CDH6: variants seen among roughly 807,000 people sequenced by gnomAD.
CDH6 encodes cadherin 6.
In CDH6, 31 loss-of-function variants were observed where a neutral mutation model predicts 78.0. The observed-to-expected ratio is 0.40, with a 90% CI of 0.30 to 0.54. The LOEUF (loss-of-function observed/expected upper bound fraction) is 0.54, where lower values mean the gene tolerates loss of function less well. Ranked by LOEUF, CDH6 falls within the 20% of genes least tolerant of loss-of-function variation. CDH6 has a pLI of 0.56. For synonymous variants in CDH6, 376 were observed against 368.8 expected, an observed-to-expected ratio of 1.02 and a Z score of -0.23; for missense variants, 724 against 975.9, an observed-to-expected ratio of 0.74 and a Z score of 3.44.
At chr5:31,245,723 C>T (rs965793137) in intron 1 of CDH6, among the ~76,000 whole-genome samples, 5 of 152,114 alleles carry the variant, frequency 3.3e-5, no homozygotes, top group African/African-American at 7.2e-5. Flanking sequence ...CAGTTATCTA[C>T]GTAGCCAGCT....
At chr5:31,236,814 C>A (rs908943223) in intron 1 of CDH6, among the ~76,000 whole-genome samples, 1 of 152,110 alleles carries the variant, frequency 6.6e-6, no homozygotes, top group Non-Finnish European at 1.5e-5. Context: ...TGCCCAACAT[C>A]TGAACGGAGA....
chr5:31,325,218 TTCCGATTTTATAATGGAC>T lies in CDH6; in HGVS notation c.*1912_*1929del, dbSNP rs1738596046. 1 of 229,540 alleles carries T rather than the reference TTCCGATTTTATAATGGAC, an allele frequency of 4.4e-6. No individual in the cohort carries two copies. Among genetic ancestry groups the T allele is most frequent in the African/African-American group, 2.2e-5 (1 of 45,172 alleles). 14.2% of individuals were successfully genotyped at this position (229,540 alleles called of 1,614,324 possible). A position where few individuals can be genotyped will look rare whatever the true frequency, so the allele number is the denominator to read the frequency against. On this transcript the variant is annotated 3_prime_UTR_variant, in exon 12 of 12. Coordinates refer to ENST00000265071, the MANE Select transcript of CDH6 (RefSeq NM_004932.4). ...TTATTCCTTGTGTCTTCTGAATGGT[TTCCGATTTTATAATGGAC>T]TGCCCTATATAGTAACAAGTATTTC...
chr5:31,299,760 T>C (rs1737710152), intron 5 of CDH6, 129 bp downstream of exon 5: 1 of 728,058 alleles, frequency 1.4e-6, no homozygotes, highest in Non-Finnish European at 2.3e-6. Flanking sequence ...GTACTTTTAT[T>C]AAAAATGAGT....
At position 31,275,431 on chromosome 5, in the gene CDH6, G is replaced by A. The variant is rs368867033; in HGVS notation, c.228+7730G>A. ...CATGAGTACCCGATGTTTAGCTCCC[G>A]CTTATAAGTGAGAACATGCCATATT... On this transcript the variant is annotated intron_variant, in intron 2 of 11. Transcript: ENST00000265071. 1.8e-4 allele frequency among the ~76,000 whole-genome samples: 27 copies of A among 152,012 alleles called. 2 individuals are homozygous for A. Among genetic ancestry groups the A allele is most frequent in the Admixed American group, 1.2e-3 (18 of 15,264 alleles).
intron 1 of CDH6, among the ~76,000 whole-genome samples, chr5:31,206,762 G>A (rs890529787): frequency 9.2e-5 from 14 of 151,962 alleles, no homozygotes; most frequent in Admixed American, 6.6e-4. Context: ...TTTTCTATTC[G>A]CCCATACTTA....
intron 1 of CDH6, among the ~76,000 whole-genome samples, chr5:31,223,179 G>C (rs1741049358): frequency 6.6e-6 from 1 of 152,130 alleles, no homozygotes; most frequent in Non-Finnish European, 1.5e-5. Flanking sequence ...TTTATCTTTA[G>C]AGTAGTAGAG....
rs531158271 is a variant in CDH6 at position 31,300,330 on chromosome 5, C to A, written c.811+699C>A. Among the ~76,000 whole-genome samples, 3 of 152,228 alleles carry A rather than the reference C, an allele frequency of 2.0e-5. No homozygotes were observed. In the East Asian group the frequency reaches 5.8e-4, roughly 29 times the overall value. ...CAAAATCCCTTTGGGACCATGATCT[C>A]CTACGAAAGCTATCTCAATTATTCA... is the stretch of plus-strand genomic sequence containing the variant. On this transcript the variant is annotated intron_variant, in intron 5 of 11. Coordinates refer to ENST00000265071, the MANE Select transcript of CDH6 (RefSeq NM_004932.4).
chr5:31,225,759 T>G (rs1210338070), intron 1 of CDH6, among the ~76,000 whole-genome samples: 1 of 152,148 alleles, frequency 6.6e-6, no homozygotes, highest in Non-Finnish European at 1.5e-5. Flanking sequence ...GAGATTTGGG[T>G]GGGGACACAG....
At chr5:31,296,299 C>T (rs951615492) in intron 3 of CDH6, among the ~76,000 whole-genome samples, 1 of 151,930 alleles carries the variant, frequency 6.6e-6, no homozygotes, top group African/African-American at 2.4e-5. Flanking sequence ...GTCACAGAGC[C>T]CTTTGAGGAT....
intron 2 of CDH6, among the ~76,000 whole-genome samples, chr5:31,278,862 G>A (rs1742775900): frequency 6.6e-6 from 1 of 152,150 alleles, no homozygotes; most frequent in African/African-American, 2.4e-5. Context: ...AAGCACAAAA[G>A]AGGAAATGTA....
intron 7 of CDH6, among the ~76,000 whole-genome samples, chr5:31,310,903 C>T (rs1282824525): frequency 6.6e-6 from 1 of 152,074 alleles, no homozygotes; most frequent in African/African-American, 2.4e-5. Flanking sequence ...CATTTTTTTT[C>T]CTCCTATGCC....
intron 1 of CDH6, among the ~76,000 whole-genome samples, chr5:31,205,632 C>T (rs1740495825): frequency 1.3e-5 from 2 of 152,134 alleles, no homozygotes; most frequent in Non-Finnish European, 2.9e-5. Context: ...TAAACAATGT[C>T]CTTGCCAAGA....
At chr5:31,270,684 T>A (rs113140979) in intron 2 of CDH6, among the ~76,000 whole-genome samples, 1 of 152,234 alleles carries the variant, frequency 6.6e-6, no homozygotes, top group African/African-American at 2.4e-5. Flanking sequence ...TCCTTCCTTT[T>A]TTTTATTTTA....
At chr5:31,302,864 A>G (rs1451921677) in intron 6 of CDH6, among the ~76,000 whole-genome samples, 1 of 149,088 alleles carries the variant, frequency 6.7e-6, no homozygotes, top group Non-Finnish European at 1.5e-5. Flanking sequence ...GAAAGAAAGG[A>G]AGAAAGGAGG....
Position 31,270,438 on chromosome 5 carries a change from T to C in CDH6, c.228+2737T>C, listed in dbSNP as rs372995315. Among the ~76,000 whole-genome samples, 27 of 152,356 alleles carry C rather than the reference T, an allele frequency of 1.8e-4. 2 individuals carry two copies. In the East Asian group the frequency reaches 5.2e-3, roughly 29 times the overall value. On this transcript the variant is annotated intron_variant, in intron 2 of 11. Coordinates refer to ENST00000265071, the MANE Select transcript of CDH6 (RefSeq NM_004932.4). ...CACTTACAAATGGTATGTGTGCATC[T>C]CTTGAGCACAGCACAATTTCTCAAT...
At chr5:31,278,889 A>G (rs545795408) in intron 2 of CDH6, among the ~76,000 whole-genome samples, 1 of 152,328 alleles carries the variant, frequency 6.6e-6, no homozygotes, top group East Asian at 1.9e-4. Context: ...ATCCTGCTTT[A>G]AAATACAGTT....
intron 2 of CDH6, among the ~76,000 whole-genome samples, chr5:31,290,866 G>A (rs938333414): frequency 6.6e-6 from 1 of 152,164 alleles, no homozygotes. Context: ...TTTCCCACTA[G>A]TTTTCAAATA....
intron 2 of CDH6, among the ~76,000 whole-genome samples, chr5:31,281,930 T>A (rs909929681): frequency 2.0e-5 from 3 of 152,008 alleles, no homozygotes; most frequent in Admixed American, 6.6e-5. Flanking sequence ...CTGAAAAAAA[T>A]GGAGAAAATA....
intron 1 of CDH6, among the ~76,000 whole-genome samples, chr5:31,253,390 G>A (rs1289512555): frequency 6.6e-6 from 1 of 152,150 alleles, no homozygotes; most frequent in Non-Finnish European, 1.5e-5. Context: ...TGTGAAGAAG[G>A]ACATGTTTGC....
Sources: allele counts gnomAD v4.1 joint callset (sites outside exome capture counted in the v4.1 genomes callset), GRCh38; gene constraint gnomAD v4.1.1; transcripts MANE v1.5; gene names NCBI Gene and HGNC (gene_info 2026-07-23, HGNC 2026-07-21).